PBX1: variants seen among roughly 807,000 people sequenced by gnomAD.
The protein encoded by PBX1 is pre-B-cell leukemia transcription factor 1.
In PBX1, 6 loss-of-function variants were observed where a neutral mutation model predicts 53.4. The ratio of observed to expected loss-of-function variants is 0.11; its 90% confidence interval spans 0.06 to 0.22. The LOEUF (loss-of-function observed/expected upper bound fraction) is 0.22. Ranked by LOEUF, PBX1 falls within the 10% of genes least tolerant of loss-of-function variation. The pLI, the probability that PBX1 is intolerant of heterozygous loss-of-function variation, is 1.00. For synonymous variants in PBX1, 204 were observed against 212.3 expected (o/e 0.96, Z 0.34); for missense variants, 251 against 551.4 (o/e 0.46, Z 5.46).
chr1:164,590,415 G>T (rs1008468480), intron 2 of PBX1: 3 of 455,748 alleles, frequency 6.6e-6, no homozygotes, highest in Admixed American at 4.7e-5. Context: ...CCCAATCGCC[G>T]CCGCCCCCCT....
chr1:164,728,358 G>A (rs1479919523), intron 2 of PBX1, among the ~76,000 whole-genome samples: 2 of 151,582 alleles, frequency 1.3e-5, no homozygotes, highest in African/African-American at 2.4e-5. Flanking sequence ...GAAATAGATT[G>A]GTGAACCATT....
chr1:164,862,029 C>A (rs1379774323), intron 2 of PBX1, among the ~76,000 whole-genome samples: 1 of 152,060 alleles, frequency 6.6e-6, no homozygotes, highest in South Asian at 2.1e-4. Flanking sequence ...AACCTGGAGG[C>A]CTTGGAATGT....
At chr1:164,852,729 G>A (rs1671886174), downstream of PBX1, among the ~76,000 whole-genome samples, 1 of 152,172 alleles carries the variant, frequency 6.6e-6, no homozygotes, top group Non-Finnish European at 1.5e-5. Flanking sequence ...AGCATCCCCA[G>A]CCTATGGGAA....
At chr1:164,667,780 C>T (rs1660888151) in intron 2 of PBX1, among the ~76,000 whole-genome samples, 1 of 152,192 alleles carries the variant, frequency 6.6e-6, no homozygotes, top group African/African-American at 2.4e-5. Flanking sequence ...CAGCTACCAG[C>T]AGCCCCATCT....
At chr1:164,799,075 A>G (rs1234088375) in intron 3 of PBX1, among the ~76,000 whole-genome samples, 1 of 152,190 alleles carries the variant, frequency 6.6e-6, no homozygotes, top group African/African-American at 2.4e-5. Flanking sequence ...AACTTTGGGA[A>G]AAAGGGTGGT....
downstream of PBX1, among the ~76,000 whole-genome samples, chr1:164,855,346 C>G (rs868178393): frequency 6.6e-6 from 1 of 152,328 alleles, no homozygotes; most frequent in South Asian, 2.1e-4. Context: ...CACCCTCACT[C>G]CATTGCCAGA....
intron 8 of PBX1, among the ~76,000 whole-genome samples, chr1:164,828,260 G>A (rs1670567152): frequency 1.3e-5 from 2 of 151,888 alleles, no homozygotes; most frequent in Admixed American, 6.6e-5. Flanking sequence ...GGCTGTGTGT[G>A]TTTGTGTATG....
chr1:164,675,012 G>T (rs1300257752), intron 2 of PBX1, among the ~76,000 whole-genome samples: 2 of 152,110 alleles, frequency 1.3e-5, no homozygotes, highest in Non-Finnish European at 2.9e-5. Flanking sequence ...AACTCAAAGA[G>T]ATTGGCAAGG....
At chr1:164,713,372 G>A (rs1189245329) in intron 2 of PBX1, among the ~76,000 whole-genome samples, 1 of 152,108 alleles carries the variant, frequency 6.6e-6, no homozygotes, top group African/African-American at 2.4e-5. Context: ...AATAAAAACA[G>A]GTAAGTTTCC....
chr1:164,804,411 T>G (rs1041853651), intron 4 of PBX1, among the ~76,000 whole-genome samples: 1 of 152,218 alleles, frequency 6.6e-6, no homozygotes, highest in African/African-American at 2.4e-5. Context: ...CTCTGGTATA[T>G]AGCTATTTAT....
rs115730288 is a variant in PBX1, at chr1:164,610,876, G to C, written c.265+47565G>C. On this transcript the variant is annotated intron_variant, in intron 2 of 8. Coordinates refer to ENST00000420696, the MANE Select transcript of PBX1 (RefSeq NM_002585.4). The stretch of plus-strand genomic sequence containing the variant: ...AAGGAGAAAATCAAATTAAATGTTT[G>C]ACCAGCAGAATGAATTCTGTCTCCA... Among the ~76,000 whole-genome samples the C allele has an allele frequency of 4.0e-3, 612 of 152,340 alleles. 1 individual carries two copies. Among genetic ancestry groups the C allele is most frequent in the Non-Finnish European group, 6.2e-3 (423 of 68,038 alleles).
chr1:164,875,885 T>A (rs961770695), intron 2 of PBX1, among the ~76,000 whole-genome samples: 2 of 151,730 alleles, frequency 1.3e-5, no homozygotes, highest in Non-Finnish European at 1.5e-5. Flanking sequence ...ATAATAAAAG[T>A]AATGCTTATT....
chr1:164,651,961 G>A, intron 2 of PBX1: 1 of 149,730 alleles, frequency 6.7e-6, no homozygotes, highest in Non-Finnish European at 1.5e-5. Context: ...GTGTGTGTGT[G>A]TGTGTGTGTA....
chr1:164,649,900 G>T (rs982262299), intron 2 of PBX1, among the ~76,000 whole-genome samples: 1 of 152,076 alleles, frequency 6.6e-6, no homozygotes, highest in East Asian at 1.9e-4. Flanking sequence ...CAGCTTTGGG[G>T]GTTCTTTGAA....
chr1:164,718,482 A>G (rs1199801637), intron 2 of PBX1, among the ~76,000 whole-genome samples: 1 of 152,230 alleles, frequency 6.6e-6, no homozygotes, highest in Non-Finnish European at 1.5e-5. Flanking sequence ...TAGGCTCATG[A>G]GGAATACCTG....
At chr1:164,684,517 T>G (rs1661981101) in intron 2 of PBX1, 1 of 152,192 alleles carries the variant, frequency 6.6e-6, no homozygotes. Context: ...CTCAGGTATT[T>G]GAGGCAGACC....
At chr1:164,687,561 TAAAAAAAAAA>T (rs5778407) in intron 2 of PBX1, among the ~76,000 whole-genome samples, 1,234 of 110,480 alleles carry the variant, frequency 0.011, 7 homozygotes, top group Non-Finnish European at 0.017. Flanking sequence ...AGACCTTGTC[TAAAAAAAAAA>T]AAAAAAAAAA....
At chr1:164,833,284 A>AT (rs550706204) in intron 8 of PBX1, among the ~76,000 whole-genome samples, 79 of 152,230 alleles carry the variant, frequency 5.2e-4, no homozygotes, top group African/African-American at 1.9e-3. Flanking sequence ...TAATGTGGTG[A>AT]TTTTTGCGGT....
At chr1:164,800,792 C>G (rs929222164) in intron 4 of PBX1, among the ~76,000 whole-genome samples, 1 of 152,044 alleles carries the variant, frequency 6.6e-6, no homozygotes, top group African/African-American at 2.4e-5. Flanking sequence ...ATTCAGATAC[C>G]ATTCATATTT....
Sources: gnomAD v4.1 joint callset for allele counts (sites outside exome capture counted in the v4.1 genomes callset) on GRCh38, gnomAD v4.1.1 for gene constraint, MANE v1.5 for transcripts, NCBI Gene and HGNC (gene_info 2026-07-23, HGNC 2026-07-21) for gene names.